Variants in OPALIN observed in about 807,000 individuals in gnomAD.
The protein encoded by OPALIN is transmembrane protein 10.
A neutral mutation model predicts 17.8 loss-of-function variants in OPALIN; 15 were observed. The observed-to-expected ratio is 0.84, with a 90% CI of 0.56 to 1.29. The LOEUF (loss-of-function observed/expected upper bound fraction) is 1.29, where lower values mean the gene tolerates loss of function less well. OPALIN is among the 50% of genes most tolerant of loss of function. The pLI is 0.00. For synonymous variants in OPALIN, 62 were observed against 63.8 expected (o/e 0.97, Z 0.14); for missense variants, 170 against 176.0 (o/e 0.97, Z 0.19).
At chr10:96,357,017 C>T (rs752458272) in intron 1 of OPALIN, 4 of 985,384 alleles carry the variant, frequency 4.1e-6, no homozygotes, top group African/African-American at 1.7e-5. Context: ...CACTGTGCAC[C>T]TCTGCTTCTG....
Position 96,345,356 on chromosome 10 carries a change from C to T in OPALIN, c.*585G>A, listed in dbSNP as rs1845269458. ...CAACTTCTCCAAAGTCGTACAGCTG[C>T]TCAGTGGTAGGTGTGACTTAAGAGT... On this transcript the variant is annotated 3_prime_UTR_variant, in exon 6 of 6. Transcript: ENST00000371172. 1.3e-5 allele frequency: 2 copies of T among 152,220 alleles called. No individual in the cohort carries two copies. The highest frequency in any genetic ancestry group is 2.9e-5 in the Non-Finnish European group (2 of 68,050). 9.4% of individuals were successfully genotyped at this position (152,220 alleles called of 1,614,324 possible).
At position 96,349,704 on chromosome 10, in the gene OPALIN, C is replaced by T; in HGVS notation, c.192+3G>A. 6.2e-7 allele frequency: 1 copy of T among 1,612,452 alleles called. No homozygotes were observed. Among genetic ancestry groups the T allele is most frequent in the Non-Finnish European group, 8.5e-7 (1 of 1,179,424 alleles). Reference sequence around the variant, plus strand: ...ATCTGGACCCAAAGAAGCTAGTAATCACCTCCATGGCCTCAATGCTGCTTC... The same window carrying T: ...ATCTGGACCCAAAGAAGCTAGTAATTACCTCCATGGCCTCAATGCTGCTTC... On this transcript the variant is annotated splice_donor_region_variant and intron_variant, in intron 4 of 5. Transcript: ENST00000371172.
intron 2 of OPALIN, chr10:96,353,537 G>T (rs1845677276): frequency 2.1e-6 from 2 of 935,704 alleles, no homozygotes; most frequent in African/African-American, 1.6e-5. Context: ...CTCTACACGG[G>T]ATCAAAGGGG....
chr10:96,349,349 T>C (rs140066115), intron 4 of OPALIN, among the ~76,000 whole-genome samples: 1 of 152,206 alleles, frequency 6.6e-6, no homozygotes, highest in East Asian at 1.9e-4. Flanking sequence ...TAACGTTATC[T>C]CCATCCTTTC....
Position 96,345,889 on chromosome 10 carries a change from G to C in OPALIN, c.*52C>G, listed in dbSNP as rs1229551748. On this transcript the variant is annotated 3_prime_UTR_variant, in exon 6 of 6. Transcript: ENST00000371172. The stretch of plus-strand genomic sequence containing the variant: ...TTTCCTCTCCAAGTACAAAACCCTG[G>C]GTTTTCAACCCTGTTCCAGTGCCAG... The C allele has an allele frequency of 2.6e-6, 4 of 1,568,174 alleles. No individual in the cohort carries two copies. The Admixed American group carries it at 7.4e-5, about 29-fold the overall frequency.
rs80270854 is a variant in OPALIN at position 96,352,104 on chromosome 10, A to G, written c.40-694T>C. Among the ~76,000 whole-genome samples, 111 of 152,232 alleles carry G rather than the reference A, an allele frequency of 7.3e-4. 1 individual carries two copies. Among genetic ancestry groups the G allele is most frequent in the African/African-American group, 2.6e-3 (108 of 41,530 alleles). The stretch of plus-strand genomic sequence containing the variant: ...CCTGCCATAGAACAGCCATTTCTCA[A>G]TTTACAAGCTAAGGGGTTGCATGTC... On this transcript the variant is annotated intron_variant, in intron 2 of 5. Coordinates refer to ENST00000371172, the MANE Select transcript of OPALIN (RefSeq NM_033207.5).
intron 1 of OPALIN, 33 bp from the exon 2 acceptor site, chr10:96,355,323 G>C (rs552134701): frequency 1.9e-6 from 3 of 1,607,636 alleles, no homozygotes; most frequent in South Asian, 2.2e-5. Context: ...AAAGCTCCCA[G>C]GGATGGTCAG....
intron 4 of OPALIN, 123 bp downstream of exon 4, chr10:96,349,584 C>A: frequency 8.8e-7 from 1 of 1,134,752 alleles, no homozygotes; most frequent in Non-Finnish European, 1.2e-6. Flanking sequence ...CCAGAAACTT[C>A]CAGCATCTTG....
rs144475436 is a variant in OPALIN at position 96,356,219 on chromosome 10, C to T, written c.4-929G>A. On this transcript the variant is annotated intron_variant, in intron 1 of 5. Coordinates refer to ENST00000371172, the MANE Select transcript of OPALIN (RefSeq NM_033207.5). ...CTGGGCCCTCCTTCAGCCTCGGTCT[C>T]CCTGACCCCCAGATATTTCCCTGGG... 9.8e-5 allele frequency among the ~76,000 whole-genome samples: 15 copies of T among 152,342 alleles called. No individual in the cohort carries two copies. The East Asian group carries it at 2.9e-3, about 29-fold the overall frequency.
At chr10:96,347,657 G>A (rs1845393279) in intron 5 of OPALIN, among the ~76,000 whole-genome samples, 1 of 148,808 alleles carries the variant, frequency 6.7e-6, no homozygotes, top group Non-Finnish European at 1.5e-5. Flanking sequence ...ATTTTTAGTA[G>A]ACACAGGGTT....
intron 1 of OPALIN, 141 bp from the exon 2 acceptor site, chr10:96,355,431 T>C: frequency 1.5e-6 from 1 of 651,384 alleles, no homozygotes; most frequent in Non-Finnish European, 2.6e-6. Context: ...TCCTGCACAG[T>C]CTTGGCCCCA....
chr10:96,355,179 G>A (rs1417810752), intron 2 of OPALIN, 76 bp downstream of exon 2: 1 of 1,026,222 alleles, frequency 9.7e-7, no homozygotes, highest in African/African-American at 1.6e-5. Flanking sequence ...GGGTTTATGT[G>A]AGTTCTGGAG....
chr10:96,351,459 A>G, intron 2 of OPALIN, 49 bp from the exon 3 acceptor site: 1 of 1,202,860 alleles, frequency 8.3e-7, no homozygotes, highest in Non-Finnish European at 1.2e-6. Flanking sequence ...AGTCTATAGA[A>G]TATACATTAT....
intron 2 of OPALIN, among the ~76,000 whole-genome samples, chr10:96,353,939 G>A (rs1338900611): frequency 3.3e-5 from 5 of 152,176 alleles, no homozygotes; most frequent in African/African-American, 1.2e-4. Flanking sequence ...AGAGGTCTGG[G>A]CAGACAGTGG....
intron 3 of OPALIN, among the ~76,000 whole-genome samples, chr10:96,350,203 T>G (rs1234067490): frequency 1.3e-5 from 2 of 152,148 alleles, no homozygotes; most frequent in East Asian, 3.8e-4. Flanking sequence ...AATAAAAGCT[T>G]TTATTATACA....
At chr10:96,353,336 G>T (rs1024973191) in intron 2 of OPALIN, 4 of 1,575,392 alleles carry the variant, frequency 2.5e-6, no homozygotes, top group African/African-American at 2.7e-5. Context: ...AGGGATCCAG[G>T]TGCCCACCTC....
chr10:96,353,335 G>T, intron 2 of OPALIN: 19 of 1,573,678 alleles, frequency 1.2e-5, no homozygotes, highest in Non-Finnish European at 1.7e-5. Flanking sequence ...GAGGGATCCA[G>T]GTGCCCACCT....
intron 1 of OPALIN, chr10:96,356,831 A>C (rs953237911): frequency 3.1e-6 from 3 of 967,912 alleles, no homozygotes; most frequent in South Asian, 9.5e-5. Flanking sequence ...GGACACCCGC[A>C]TTTTATAGAG....
intron 1 of OPALIN, chr10:96,356,820 A>G: frequency 1.1e-6 from 1 of 928,618 alleles, no homozygotes; most frequent in Non-Finnish European, 1.3e-6. Flanking sequence ...TCTTGGCAAT[A>G]GGACACCCGC....
Sources: gnomAD v4.1 joint callset for allele counts (sites outside exome capture counted in the v4.1 genomes callset) on GRCh38, gnomAD v4.1.1 for gene constraint, MANE v1.5 for transcripts, NCBI Gene and HGNC (gene_info 2026-07-23, HGNC 2026-07-21) for gene names.